The following STK32B variants were observed in gnomAD, a reference collection of about 807,000 sequenced individuals.
The protein encoded by STK32B is serine/threonine kinase 32B.
STK32B carries 43 observed loss-of-function variants against 52.6 expected under a neutral mutation model. That is an observed-to-expected ratio of 0.82 (90% CI 0.64 to 1.05). STK32B has a LOEUF of 1.05. Among genes scored for constraint, STK32B ranks in the 50% least tolerant of loss-of-function variants. STK32B has a pLI of 0.00. For missense variants in STK32B, 621 were observed against 534.6 expected (o/e 1.16, Z -1.59); for synonymous variants, 238 against 204.3 (o/e 1.17, Z -1.41).
At chr4:5,026,935 G>A in the STK32B span, among the ~76,000 whole-genome samples, 4 of 152,332 alleles carry the variant, frequency 2.6e-5, no homozygotes, top group African/African-American at 4.8e-5. Context: ...GAGTCTGAGT[G>A]CTAAGGTAAG....
At chr4:5,310,449 C>G (rs1430373678) in intron 3 of STK32B, among the ~76,000 whole-genome samples, 1 of 152,108 alleles carries the variant, frequency 6.6e-6, no homozygotes, top group Non-Finnish European at 1.5e-5. Flanking sequence ...TTCATCATCA[C>G]TAATCATTAG....
At chr4:5,281,012 G>A (rs1408308189) in intron 3 of STK32B, among the ~76,000 whole-genome samples, 1 of 152,142 alleles carries the variant, frequency 6.6e-6, no homozygotes, top group Non-Finnish European at 1.5e-5. Flanking sequence ...TGTACAGGAG[G>A]CGTGGCTGGG....
chr4:5,375,284 C>A (rs1735515719), intron 4 of STK32B, among the ~76,000 whole-genome samples: 1 of 152,170 alleles, frequency 6.6e-6, no homozygotes, highest in Non-Finnish European at 1.5e-5. Flanking sequence ...CCCCACCATG[C>A]CTGTACACAG....
intron 8 of STK32B, chr4:5,458,471 A>C (rs1323416016): frequency 1.3e-5 from 2 of 152,262 alleles, no homozygotes; most frequent in African/African-American, 4.8e-5. Flanking sequence ...GCTGAGGCAT[A>C]GGAAACCAAA....
At chr4:5,388,630 C>T (rs539060844) in intron 4 of STK32B, among the ~76,000 whole-genome samples, 9 of 152,262 alleles carry the variant, frequency 5.9e-5, no homozygotes, top group Admixed American at 2.0e-4. Flanking sequence ...GGCTGACTCA[C>T]GGATCTATCA....
chr4:5,053,494 C>T (rs1201411783), intron 1 of STK32B, among the ~76,000 whole-genome samples: 1 of 152,172 alleles, frequency 6.6e-6, no homozygotes, highest in Non-Finnish European at 1.5e-5. Flanking sequence ...TAGCATCTTT[C>T]TCTTTTATTT....
At chr4:5,102,808 G>A in intron 1 of STK32B, among the ~76,000 whole-genome samples, 1 of 147,846 alleles carries the variant, frequency 6.8e-6, no homozygotes, top group African/African-American at 2.5e-5. Context: ...CTCCCAAAGT[G>A]CTGGGATTAC....
chr4:5,399,649 C>T lies in STK32B; in HGVS notation c.472+1405C>T, dbSNP rs1294945379. Among the ~76,000 whole-genome samples, 1 of 152,194 alleles carries T rather than the reference C, an allele frequency of 6.6e-6. No homozygotes were observed. The highest frequency in any genetic ancestry group is 6.5e-5 in the Admixed American group (1 of 15,284). ...TAAAAGTCAGGATCTTCAGATGTGGCACTCAGCTGAGCCCCCAGCCAGCTG... is the reference window on the plus strand; with the variant it reads ...TAAAAGTCAGGATCTTCAGATGTGGTACTCAGCTGAGCCCCCAGCCAGCTG... On this transcript the variant is annotated intron_variant, in intron 5 of 11. Transcript: ENST00000282908. The surrounding 1 kb of genome is among the most constrained non-coding windows in gnomAD (Gnocchi z 5.4).
chr4:5,115,598 G>A (rs1435997478), intron 1 of STK32B, among the ~76,000 whole-genome samples: 1 of 151,088 alleles, frequency 6.6e-6, no homozygotes, highest in Non-Finnish European at 1.5e-5. Flanking sequence ...GTGTAACCTG[G>A]GCAGTTATCC....
chr4:5,042,114 T>A, the STK32B span, among the ~76,000 whole-genome samples: 1 of 152,170 alleles, frequency 6.6e-6, no homozygotes. Context: ...GCAAGAGGAA[T>A]AGCAGCCACA....
At chr4:5,268,369 C>A (rs903699616) in intron 3 of STK32B, among the ~76,000 whole-genome samples, 3 of 152,094 alleles carry the variant, frequency 2.0e-5, no homozygotes, top group African/African-American at 7.2e-5. Context: ...CTGCCTCGAC[C>A]GCTCTGCCCC....
At chr4:5,301,000 C>T (rs1729516624) in intron 3 of STK32B, among the ~76,000 whole-genome samples, 1 of 151,964 alleles carries the variant, frequency 6.6e-6, no homozygotes, top group Non-Finnish European at 1.5e-5. Flanking sequence ...GAAAGGGTAC[C>T]AAATTTTATC....
chr4:5,095,385 T>TG (rs1259362063), intron 1 of STK32B, among the ~76,000 whole-genome samples: 1 of 152,156 alleles, frequency 6.6e-6, no homozygotes, highest in Non-Finnish European at 1.5e-5. Context: ...AAGGTCGAGG[T>TG]GGGCGGATCA....
intron 4 of STK32B, among the ~76,000 whole-genome samples, chr4:5,389,212 C>T (rs1231731594): frequency 6.6e-6 from 1 of 152,200 alleles, no homozygotes; most frequent in Non-Finnish European, 1.5e-5. Context: ...CTGGCTGTCC[C>T]ACATACGGAC....
the STK32B span, among the ~76,000 whole-genome samples, chr4:5,039,458 C>T: frequency 6.6e-6 from 1 of 152,192 alleles, no homozygotes; most frequent in African/African-American, 2.4e-5. Flanking sequence ...ACTGGACAGT[C>T]TTAGGGGCAG....
chr4:5,176,457 T>C (rs1268738870), intron 3 of STK32B, among the ~76,000 whole-genome samples: 1 of 151,050 alleles, frequency 6.6e-6, no homozygotes, highest in Non-Finnish European at 1.5e-5. Flanking sequence ...TTTTTTTTTT[T>C]TTTAAGATGG....
At chr4:5,335,176 A>C (rs1337794602) in intron 4 of STK32B, among the ~76,000 whole-genome samples, 1 of 152,140 alleles carries the variant, frequency 6.6e-6, no homozygotes, top group Non-Finnish European at 1.5e-5. Context: ...ATCTATTCAG[A>C]GATTCATCTT....
At position 5,331,266 on chromosome 4, in the gene STK32B, C is replaced by T. The variant is rs549068199; in HGVS notation, c.307C>T (p.Leu103Phe). Reference protein sequence around the residue: ...EEDMFMVVDLLLGGDLRYHLQ... With the variant: ...EEDMFMVVDLFLGGDLRYHLQ... ...GGACATGTTCATGGTGGTGGACCTG[C>T]TCCTGGGAGGCGACCTGCGCTACCA... Residue 103 changes from leucine to phenylalanine, a missense_variant, in exon 4 of 12, where the codon CTC becomes TTC. Physicochemically the swap from Leu to Phe is conservative, Grantham distance 22. Transcript: ENST00000282908. The T allele has an allele frequency of 8.7e-6, 14 of 1,613,840 alleles. No homozygotes were observed. In the South Asian group the frequency reaches 8.8e-5, roughly 10 times the overall value.
At chr4:5,456,427 A>G (rs976121328) in intron 7 of STK32B, among the ~76,000 whole-genome samples, 36 of 152,344 alleles carry the variant, frequency 2.4e-4, no homozygotes, top group Admixed American at 1.3e-3. Flanking sequence ...AGTGGGGGCT[A>G]TGACTGGAGG....
Sources: allele counts gnomAD v4.1 joint callset (sites outside exome capture counted in the v4.1 genomes callset), GRCh38; gene constraint gnomAD v4.1.1; non-coding constraint Gnocchi (gnomAD v3.1); transcripts MANE v1.5; gene names NCBI Gene and HGNC (gene_info 2026-07-23, HGNC 2026-07-21).